The following PARP12 variants were observed in gnomAD, a reference collection of about 807,000 sequenced individuals.
The protein encoded by PARP12 is poly(ADP-ribose) polymerase family member 12.
PARP12 carries 59 observed loss-of-function variants against 72.4 expected under a neutral mutation model. The observed-to-expected ratio is 0.81, with a 90% confidence interval of 0.66 to 1.01. The LOEUF is 1.01. Among genes scored for constraint, PARP12 ranks in the 50% least tolerant of loss-of-function variants. The pLI, the probability that PARP12 is intolerant of heterozygous loss-of-function variation, is 0.00. For missense variants in PARP12, 851 were observed against 914.0 expected, an observed-to-expected ratio of 0.93 and a Z score of 0.89; for synonymous variants, 403 against 371.4, an observed-to-expected ratio of 1.09 and a Z score of -0.98.
At chr7:140,025,021 G>A in intron 11 of PARP12, 136 bp from the exon 12 acceptor site, 1 of 741,162 alleles carries the variant, frequency 1.3e-6, no homozygotes, top group Non-Finnish European at 2.2e-6. Flanking sequence ...CCCTCCCTCT[G>A]TGCCATGTCT....
In PARP12 at chr7:140,062,576, TGCGC is replaced by T; in HGVS notation, c.268_271del (p.Ala90SerfsTer16). The T allele has an allele frequency of 4.5e-6, 7 of 1,549,014 alleles. No individual in the cohort carries two copies. Among genetic ancestry groups the T allele is most frequent in the Non-Finnish European group, 4.3e-6 (5 of 1,152,222 alleles). On this transcript the variant is annotated frameshift_variant, in exon 1 of 12. Coordinates refer to ENST00000263549, the MANE Select transcript of PARP12 (RefSeq NM_022750.4). LOFTEE classifies it high-confidence loss of function. ...GACCATGAACCTGCAGAGGTGGAGC[TGCGC>T]GCAGAGCCCCACGCAGCCCGGCTTG...
intron 8 of PARP12, among the ~76,000 whole-genome samples, chr7:140,032,549 A>G (rs913035981): frequency 2.6e-5 from 4 of 152,182 alleles, no homozygotes; most frequent in African/African-American, 9.6e-5. Context: ...ATAGCAAAAG[A>G]CTGAAAACAA....
At position 140,024,713 on chromosome 7, in the gene PARP12, G is replaced by A. The variant is rs149371341; in HGVS notation, c.1953C>T (p.Cys651=). The A allele has an allele frequency of 3.3e-4, 529 of 1,614,182 alleles. No homozygotes were observed. Among genetic ancestry groups the A allele is most frequent in the Admixed American group, 7.8e-4 (47 of 60,020 alleles). The part of the protein sequence containing the change: ...EGWSNAFYDS[C]VNSVSDPSIF... ...TGGAGGGGTCGGACACACTGTTCAC[G>A]CAGCTATCATAGAAGGCGTTGCTCC... The change falls in exon 12 of 12, where the codon TGC becomes TGT. Residue 651 remains cysteine (C), a synonymous_variant. Coordinates refer to ENST00000263549, the MANE Select transcript of PARP12 (RefSeq NM_022750.4).
At position 140,036,885 on chromosome 7, in the gene PARP12, C is replaced by A. The variant is rs141893952; in HGVS notation, c.1324+830G>T. Among the ~76,000 whole-genome samples, 14 of 152,224 alleles carry A rather than the reference C, an allele frequency of 9.2e-5. 1 individual carries two copies. The East Asian group carries it at 2.5e-3, about 27-fold the overall frequency. On this transcript the variant is annotated intron_variant, in intron 7 of 11. Transcript: ENST00000263549. ...GAACTGGCCAAAGGGTGGCCTATTT[C>A]TCTCTGTAAGGCAACCAGGATGAAA...
In PARP12 at chr7:140,062,758, C is replaced by T; in HGVS notation, c.90G>A (p.Leu30=). 3 of 1,387,954 alleles carry T rather than the reference C, an allele frequency of 2.2e-6. No homozygotes were observed. The highest frequency in any genetic ancestry group is 2.8e-6 in the Non-Finnish European group (3 of 1,065,658). 86.0% of individuals were successfully genotyped at this position (1,387,954 alleles called of 1,614,324 possible). The part of the protein sequence containing the change: ...ALELPELRRR[L]RMGLSADALE... ...GCGCGTCGGCGCTCAAGCCCATCCG[C>T]AAGCGGCGCCGCAGCTCGGGCAACT... Residue 30 remains leucine, a synonymous_variant, in exon 1 of 12, where the codon TTG becomes TTA. Coordinates refer to ENST00000263549, the MANE Select transcript of PARP12 (RefSeq NM_022750.4).
At chr7:140,030,555 G>A (rs1054070400) in intron 8 of PARP12, among the ~76,000 whole-genome samples, 3 of 152,244 alleles carry the variant, frequency 2.0e-5, no homozygotes, top group Non-Finnish European at 4.4e-5. Flanking sequence ...CCAAGATCAT[G>A]CCACTGCACT....
At chr7:140,036,094 T>C (rs914944745) in intron 7 of PARP12, among the ~76,000 whole-genome samples, 1 of 149,342 alleles carries the variant, frequency 6.7e-6, no homozygotes, top group Non-Finnish European at 1.5e-5. Context: ...AGGAGAAGAA[T>C]TGTGCCCACT....
intron 3 of PARP12, among the ~76,000 whole-genome samples, 164 bp downstream of exon 3, chr7:140,056,692 T>C (rs1208352471): frequency 6.6e-6 from 1 of 152,208 alleles, no homozygotes; most frequent in African/African-American, 2.4e-5. Flanking sequence ...ACCCCCGCAC[T>C]CCCTGCCTTG....
intron 11 of PARP12, chr7:140,025,624 A>C (rs1358156999): frequency 2.2e-6 from 1 of 447,442 alleles, no homozygotes; most frequent in Non-Finnish European, 4.5e-6. Context: ...AGAAAGAGAG[A>C]AGTGGCAGCA....
At chr7:140,042,148 A>G (rs1390729695) in intron 5 of PARP12, among the ~76,000 whole-genome samples, 1 of 152,226 alleles carries the variant, frequency 6.6e-6, no homozygotes, top group Non-Finnish European at 1.5e-5. Context: ...AGTCCTCAGA[A>G]GCCAAAAATA....
intron 10 of PARP12, 72 bp downstream of exon 10, chr7:140,027,204 C>A: frequency 6.4e-7 from 1 of 1,567,942 alleles, no homozygotes; most frequent in Non-Finnish European, 8.7e-7. Context: ...GAAACCCGGG[C>A]CACATGTGGC....
At chr7:140,043,587 G>C (rs1249386645) in intron 5 of PARP12, among the ~76,000 whole-genome samples, 2 of 151,930 alleles carry the variant, frequency 1.3e-5, no homozygotes, top group Non-Finnish European at 2.9e-5. Context: ...GAGTGCAGTG[G>C]CATCATCTCA....
chr7:140,060,433 A>C (rs1817398400), intron 1 of PARP12, among the ~76,000 whole-genome samples: 1 of 152,224 alleles, frequency 6.6e-6, no homozygotes, highest in Non-Finnish European at 1.5e-5. Context: ...AAGTGCAGCC[A>C]ACCACACCCA....
At chr7:140,042,345 G>A (rs1029678508) in intron 5 of PARP12, among the ~76,000 whole-genome samples, 2 of 152,222 alleles carry the variant, frequency 1.3e-5, no homozygotes, top group East Asian at 1.9e-4. Context: ...GCTAGTCAGC[G>A]GGCGAGCTGG....
intron 1 of PARP12, 41 bp from the exon 2 acceptor site, chr7:140,058,075 C>A: frequency 6.2e-7 from 1 of 1,610,866 alleles, no homozygotes; most frequent in Non-Finnish European, 8.5e-7. Flanking sequence ...CGAATTGAGT[C>A]TCCTCAAAAT....
intron 1 of PARP12, among the ~76,000 whole-genome samples, chr7:140,061,818 T>C (rs1037324059): frequency 3.3e-5 from 5 of 151,894 alleles, no homozygotes; most frequent in African/African-American, 1.2e-4. Context: ...ATGAGGAAAA[T>C]AAACAGTTCC....
chr7:140,061,710 G>A (rs1177937795), intron 1 of PARP12, among the ~76,000 whole-genome samples: 1 of 152,154 alleles, frequency 6.6e-6, no homozygotes, highest in Non-Finnish European at 1.5e-5. Flanking sequence ...ACATCCCACT[G>A]GCCACATGCT....
rs1554514730 is a variant in PARP12, at chr7:140,046,833, T to TGTCA, written c.986+50_986+51insTGAC. ...GTGTGTGTGTGTGTGTGTGTGTGTG[T>TGTCA]CACACACAGAAGCCCAGGCACAAAG... On this transcript the variant is annotated intron_variant, in intron 5 of 11. Coordinates refer to ENST00000263549, the MANE Select transcript of PARP12 (RefSeq NM_022750.4). 2.4e-3 allele frequency: 2,821 copies of TGTCA among 1,187,846 alleles called. 218 individuals are homozygous for TGTCA. In the East Asian group the frequency reaches 0.04, roughly 17 times the overall value. The allele number at this position is 1,187,846 out of a possible 1,614,324, so 73.6% of individuals were successfully genotyped here.
intron 6 of PARP12, among the ~76,000 whole-genome samples, chr7:140,039,824 G>A (rs1042054313): frequency 6.6e-6 from 1 of 152,064 alleles, no homozygotes; most frequent in Admixed American, 6.5e-5. Flanking sequence ...GTGTTTCTAC[G>A]CCCCCACTAG....
Sources: gnomAD v4.1 joint callset for allele counts (sites outside exome capture counted in the v4.1 genomes callset) on GRCh38, gnomAD v4.1.1 for gene constraint, MANE v1.5 for transcripts, NCBI Gene and HGNC (gene_info 2026-07-23, HGNC 2026-07-21) for gene names.